VAV3: variants seen among roughly 807,000 people sequenced by gnomAD.
VAV3 encodes guanine nucleotide exchange factor VAV3.
VAV3 carries 94 observed loss-of-function variants against 131.2 expected under a neutral mutation model. That is an observed-to-expected ratio of 0.72 (90% CI 0.61 to 0.85). The LOEUF (loss-of-function observed/expected upper bound fraction) is 0.85, where lower values mean the gene tolerates loss of function less well. VAV3 is among the 40% of genes least tolerant of loss of function. The pLI is 0.00. For synonymous variants in VAV3, 349 were observed against 342.0 expected (o/e 1.02, Z -0.22); for missense variants, 939 against 1,002.7 (o/e 0.94, Z 0.86).
chr1:107,867,502 G>A (rs1194218134), intron 2 of VAV3, among the ~76,000 whole-genome samples: 1 of 152,144 alleles, frequency 6.6e-6, no homozygotes, highest in African/African-American at 2.4e-5. Context: ...AATGATCTGG[G>A]AATTGTGTTA....
chr1:107,575,137 T>C (rs1194230811), intron 25 of VAV3, among the ~76,000 whole-genome samples: 2 of 152,180 alleles, frequency 1.3e-5, no homozygotes, highest in Non-Finnish European at 2.9e-5. Context: ...GTCTCTAGTG[T>C]TTCATGGCAC....
chr1:107,647,886 G>A (rs1655853710), intron 19 of VAV3, among the ~76,000 whole-genome samples: 1 of 152,058 alleles, frequency 6.6e-6, no homozygotes, highest in Admixed American at 6.6e-5. Flanking sequence ...CAGGTCCTAA[G>A]AATCAGGTTG....
intron 4 of VAV3, among the ~76,000 whole-genome samples, chr1:107,773,991 A>T (rs1665196077): frequency 6.6e-6 from 1 of 152,278 alleles, no homozygotes; most frequent in South Asian, 2.1e-4. Flanking sequence ...ACCTTGCTGA[A>T]GTCCTACATT....
rs146941115 is a variant in VAV3 at position 107,576,650 on chromosome 1, T to C, written c.2351-2452A>G. Among the ~76,000 whole-genome samples, 15 of 152,320 alleles carry C rather than the reference T, an allele frequency of 9.8e-5. No homozygotes were observed. The East Asian group carries it at 2.9e-3, about 29-fold the overall frequency. On this transcript the variant is annotated intron_variant, in intron 25 of 26. Transcript: ENST00000370056. Reference sequence around the variant, plus strand: ...TTTTGCAATTCAGAGCTGTCTATCCTTTTACAGGCAAACACAGAGAATACC... The same window carrying C: ...TTTTGCAATTCAGAGCTGTCTATCCCTTTACAGGCAAACACAGAGAATACC...
chr1:107,573,341 T>C lies in VAV3; in HGVS notation c.2534A>G (p.Glu845Gly). Residue 845 changes from glutamate (E) to glycine (G), a missense_variant, in exon 27 of 27, where the codon GAG becomes GGG. Physicochemically the swap from Glu to Gly is moderately conservative, Grantham distance 98. Transcript: ENST00000370056. ...ACACGGGATTTGAATTTATTCATCCTCTTCCACATATGTGGATGGAAACCA... is the reference window on the plus strand; with the variant it reads ...ACACGGGATTTGAATTTATTCATCCCCTTCCACATATGTGGATGGAAACCA... ...VGWFPSTYVE[E>G]DE 1 of 1,614,154 alleles carries C rather than the reference T, an allele frequency of 6.2e-7. No homozygotes were observed. The highest frequency in any genetic ancestry group is 8.5e-7 in the Non-Finnish European group (1 of 1,180,002).
rs186145281 is a variant in VAV3 at position 107,843,607 on chromosome 1, G to T, written c.321+31294C>A. On this transcript the variant is annotated intron_variant, in intron 2 of 26. Transcript: ENST00000370056. ...ATTCACTAGCCATCTGCTGAAGTATGAGCAGGCGTATTTAAACCTCCACAT... is the reference window on the plus strand; with the variant it reads ...ATTCACTAGCCATCTGCTGAAGTATTAGCAGGCGTATTTAAACCTCCACAT... 1.5e-3 allele frequency among the ~76,000 whole-genome samples: 221 copies of T among 151,480 alleles called. 1 individual carries two copies. The highest frequency in any genetic ancestry group is 5.3e-3 in the African/African-American group (217 of 41,330).
At position 107,765,162 on chromosome 1, in the gene VAV3, C is replaced by T. The variant is rs772951746; in HGVS notation, c.835G>A (p.Gly279Arg). 19 of 1,612,210 alleles carry T rather than the reference C, an allele frequency of 1.2e-5. No homozygotes were observed. Among genetic ancestry groups the T allele is most frequent in the Non-Finnish European group, 1.4e-5 (16 of 1,178,876 alleles). Reference sequence around the variant, plus strand: ...GACTCCACTCCACTGCAGTACTGCCCGTAAATAACCAATCTGAAAGGGAAA... The same window carrying T: ...GACTCCACTCCACTGCAGTACTGCCTGTAAATAACCAATCTGAAAGGGAAA... ...INYKERLVIY[G>R]QYCSGVESAI... The change falls in exon 9 of 27, where the codon GGG becomes AGG. Residue 279 changes from glycine to arginine, a missense_variant. Coordinates refer to ENST00000370056, the MANE Select transcript of VAV3 (RefSeq NM_006113.5).
At chr1:107,889,386 C>G (rs1671207582) in intron 1 of VAV3, among the ~76,000 whole-genome samples, 1 of 152,010 alleles carries the variant, frequency 6.6e-6, no homozygotes. Flanking sequence ...GAGGAATACT[C>G]CAGGTAGACA....
At chr1:107,760,976 C>A in intron 9 of VAV3, 97 bp from the exon 10 acceptor site, 1 of 675,764 alleles carries the variant, frequency 1.5e-6, no homozygotes. Flanking sequence ...TAAATGAGTG[C>A]GTTTGTTTCC....
At chr1:107,802,149 A>C (rs1294776661) in intron 2 of VAV3, among the ~76,000 whole-genome samples, 1 of 152,046 alleles carries the variant, frequency 6.6e-6, no homozygotes, top group African/African-American at 2.4e-5. Context: ...TTTCTTTTTC[A>C]GATTGTTCAC....
intron 17 of VAV3, among the ~76,000 whole-genome samples, chr1:107,695,497 T>C (rs1004061944): frequency 2.6e-5 from 4 of 152,134 alleles, no homozygotes; most frequent in African/African-American, 9.7e-5. Flanking sequence ...TGTGAGTGTT[T>C]GGATGGTGGG....
intron 15 of VAV3, among the ~76,000 whole-genome samples, chr1:107,723,054 GTTA>G (rs1319406352): frequency 6.6e-6 from 1 of 152,106 alleles, no homozygotes; most frequent in Non-Finnish European, 1.5e-5. Flanking sequence ...ACTTCGTCAT[GTTA>G]TTGTGTAATT....
intron 1 of VAV3, among the ~76,000 whole-genome samples, chr1:107,938,985 G>C (rs1673855706): frequency 1.3e-5 from 2 of 152,178 alleles, no homozygotes; most frequent in Admixed American, 1.3e-4. Context: ...ATCCAATCCA[G>C]CTGATTCTGT....
intron 20 of VAV3, among the ~76,000 whole-genome samples, chr1:107,625,704 T>C (rs2101320687): frequency 6.6e-6 from 1 of 152,336 alleles, no homozygotes; most frequent in South Asian, 2.1e-4. Context: ...ATTCATTGAT[T>C]CATTCTTCAG....
At position 107,896,491 on chromosome 1, in the gene VAV3, CA is replaced by C. The variant is rs1671584655; in HGVS notation, c.205-21475del. ...TGTTCTGTGTTAGTGACTTTAACTACAAAAAACTTATATAAAGACTTTAAGG... is the reference window on the plus strand; with the variant it reads ...TGTTCTGTGTTAGTGACTTTAACTACAAAAACTTATATAAAGACTTTAAGG... On this transcript the variant is annotated intron_variant, in intron 1 of 26. Coordinates refer to ENST00000370056, the MANE Select transcript of VAV3 (RefSeq NM_006113.5). 2.0e-5 allele frequency among the ~76,000 whole-genome samples: 3 copies of C among 152,136 alleles called. No individual in the cohort carries two copies. In the South Asian group the frequency reaches 6.2e-4, roughly 32 times the overall value.
intron 25 of VAV3, among the ~76,000 whole-genome samples, chr1:107,579,831 C>T (rs1649910494): frequency 6.6e-6 from 1 of 152,194 alleles, no homozygotes; most frequent in African/African-American, 2.4e-5. Context: ...GTTCTCTTTA[C>T]CCAGACCAGC....
intron 2 of VAV3, among the ~76,000 whole-genome samples, chr1:107,792,741 G>A (rs574685657): frequency 9.7e-4 from 147 of 152,236 alleles, no homozygotes; most frequent in Middle Eastern, 6.8e-3. Flanking sequence ...AATAATTAAT[G>A]TATATGTAAA....
intron 19 of VAV3, among the ~76,000 whole-genome samples, chr1:107,653,408 T>A (rs573743686): frequency 6.6e-6 from 1 of 152,040 alleles, no homozygotes; most frequent in East Asian, 1.9e-4. Context: ...CTTTTATTTA[T>A]AAAATGGTGC....
intron 1 of VAV3, among the ~76,000 whole-genome samples, chr1:107,959,668 CTTCT>C (rs1674986609): frequency 6.6e-6 from 1 of 152,104 alleles, no homozygotes; most frequent in African/African-American, 2.4e-5. Context: ...CAGACTTTTT[CTTCT>C]TTCTTCACTA....
Sources: gnomAD v4.1 joint callset for allele counts (sites outside exome capture counted in the v4.1 genomes callset) on GRCh38, gnomAD v4.1.1 for gene constraint, MANE v1.5 for transcripts, NCBI Gene and HGNC (gene_info 2026-07-23, HGNC 2026-07-21) for gene names.